TPTE2: variants seen among roughly 807,000 people sequenced by gnomAD.
TPTE2 encodes the protein phosphatidylinositol 3,4,5-trisphosphate 3-phosphatase TPTE2.
Under a neutral mutation model 78.6 loss-of-function variants are expected in TPTE2, and 53 were observed. The observed-to-expected ratio is 0.67, with a 90% confidence interval of 0.54 to 0.85. The LOEUF (loss-of-function observed/expected upper bound fraction) is 0.85. TPTE2 is among the 40% of genes least tolerant of loss of function. The pLI is 0.00. For synonymous variants in TPTE2, 175 were observed against 206.2 expected (o/e 0.85, Z 1.30); for missense variants, 461 against 623.0 (o/e 0.74, Z 2.77).
chr13:19,467,425 G>A (rs1566052976), intron 6 of TPTE2, 81 bp from the exon 10 acceptor site: 2 of 1,084,094 alleles, frequency 1.8e-6, no homozygotes, highest in Non-Finnish European at 2.5e-6. Flanking sequence ...ACAAACTACT[G>A]ACTCATCCCC....
At chr13:19,470,887 T>TTTTATTTA (rs57724907) in intron 6 of TPTE2, among the ~76,000 whole-genome samples, 14,498 of 139,486 alleles carry the variant, frequency 0.1, 890 homozygotes, top group African/African-American at 0.14. Context: ...GATCTTTTTA[T>TTTTATTTA]TTTATTTATT....
intron 10 of TPTE2, among the ~76,000 whole-genome samples, chr13:19,456,119 A>T (rs1045891861): frequency 1.3e-5 from 2 of 152,202 alleles, no homozygotes; most frequent in African/African-American, 4.8e-5. Flanking sequence ...TAAAAATCCC[A>T]GGGAATCTAC....
intron 1 of TPTE2, among the ~76,000 whole-genome samples, chr13:19,533,076 C>A (rs1282058621): frequency 2.0e-5 from 3 of 152,150 alleles, no homozygotes; most frequent in African/African-American, 7.2e-5. Context: ...TGTGAAAACA[C>A]TATATATGCA....
At chr13:19,454,102 G>A (rs1214417865) in intron 10 of TPTE2, among the ~76,000 whole-genome samples, 1 of 152,156 alleles carries the variant, frequency 6.6e-6, no homozygotes, top group African/African-American at 2.4e-5. Flanking sequence ...CGTAGTGCTT[G>A]TTTCTCCACT....
At chr13:19,515,085 T>C (rs939899022) in intron 1 of TPTE2, among the ~76,000 whole-genome samples, 1 of 152,218 alleles carries the variant, frequency 6.6e-6, no homozygotes, top group Non-Finnish European at 1.5e-5. Context: ...TAAAAATCAG[T>C]ATGTGGCAAT....
At chr13:19,437,586 A>T (rs1003235061) in intron 14 of TPTE2, among the ~76,000 whole-genome samples, 7 of 152,130 alleles carry the variant, frequency 4.6e-5, no homozygotes, top group Non-Finnish European at 1.0e-4. Context: ...ATTAAGCTTG[A>T]TACTATTCTC....
At chr13:19,560,901 C>T in the TPTE2 span, 14,594 of 1,578,028 alleles carry the variant, frequency 9.2e-3, 262 homozygotes, top group African/African-American at 0.065. Flanking sequence ...ATCTCACACT[C>T]GTTGGAGGCC....
chr13:19,495,163 T>C (rs1340509730), intron 1 of TPTE2, among the ~76,000 whole-genome samples: 1 of 152,154 alleles, frequency 6.6e-6, no homozygotes, highest in Non-Finnish European at 1.5e-5. Flanking sequence ...TTTTCACCCA[T>C]CCTAGTTGTC....
chr13:19,500,641 G>T (rs886731632), intron 1 of TPTE2, among the ~76,000 whole-genome samples: 2 of 152,066 alleles, frequency 1.3e-5, no homozygotes, highest in African/African-American at 4.8e-5. Flanking sequence ...GGTATTGATG[G>T]GATGTATTTC....
chr13:19,497,798 G>A (rs1325744169), intron 1 of TPTE2, among the ~76,000 whole-genome samples: 1 of 151,476 alleles, frequency 6.6e-6, no homozygotes, highest in Non-Finnish European at 1.5e-5. Flanking sequence ...AAGCTGGATG[G>A]AGAATGACTT....
Position 19,425,901 on chromosome 13 carries a change from C to T in TPTE2, c.1395+524G>A, listed in dbSNP as rs191710210. 609 of 486,974 alleles carry T rather than the reference C, an allele frequency of 1.3e-3. 3 individuals are homozygous for T. The highest frequency in any genetic ancestry group is 0.01 in the African/African-American group (475 of 45,674). 30.2% of individuals were successfully genotyped at this position (486,974 alleles called of 1,614,324 possible). On this transcript the variant is annotated intron_variant, in intron 18 of 19. Coordinates refer to ENST00000400230, the Ensembl canonical transcript of TPTE2. ...ATTGTGCTGCCTTCTCTGTTTCACCCAACTGAGTCACCCAAACCTAACTCT... is the reference window on the plus strand; with the variant it reads ...ATTGTGCTGCCTTCTCTGTTTCACCTAACTGAGTCACCCAAACCTAACTCT...
chr13:19,532,099 G>A (rs1870917117), intron 1 of TPTE2, among the ~76,000 whole-genome samples: 1 of 152,154 alleles, frequency 6.6e-6, no homozygotes, highest in Admixed American at 6.5e-5. Flanking sequence ...TCTACTTGCA[G>A]GCAGATGGCC....
chr13:19,455,850 A>G (rs1245672219), intron 10 of TPTE2, among the ~76,000 whole-genome samples: 1 of 152,226 alleles, frequency 6.6e-6, no homozygotes, highest in Non-Finnish European at 1.5e-5. Context: ...CCAATTCATG[A>G]TTCAAAACTT....
chr13:19,451,810 TGTGTG>T (rs1454588889), intron 10 of TPTE2, among the ~76,000 whole-genome samples: 2 of 54,884 alleles, frequency 3.6e-5, no homozygotes, highest in African/African-American at 9.4e-5. Flanking sequence ...TACCTATAAG[TGTGTG>T]TGTGTGTGTG....
At chr13:19,438,344 C>T (rs1877261277) in intron 13 of TPTE2, 191 bp from the exon 17 acceptor site, 2 of 985,232 alleles carry the variant, frequency 2.0e-6, no homozygotes, top group South Asian at 9.4e-5. Context: ...GAAAAATACG[C>T]AAATTACATT....
chr13:19,435,451 A>G (rs1295995170), intron 15 of TPTE2, among the ~76,000 whole-genome samples: 1 of 152,094 alleles, frequency 6.6e-6, no homozygotes, highest in Non-Finnish European at 1.5e-5. Context: ...GTGTGAGTGG[A>G]GTGGGAAAGA....
chr13:19,461,494 C>T (rs1878885641), intron 10 of TPTE2, among the ~76,000 whole-genome samples: 1 of 152,128 alleles, frequency 6.6e-6, no homozygotes. Flanking sequence ...AGTCACCCTA[C>T]AGCACTACAG....
intron 1 of TPTE2, among the ~76,000 whole-genome samples, chr13:19,518,952 T>C (rs978975725): frequency 6.6e-6 from 1 of 152,102 alleles, no homozygotes; most frequent in African/African-American, 2.4e-5. Context: ...TGGTAATCAA[T>C]AAATTTACTG....
At chr13:19,511,964 T>C (rs1201865392) in intron 1 of TPTE2, among the ~76,000 whole-genome samples, 3 of 152,216 alleles carry the variant, frequency 2.0e-5, no homozygotes, top group African/African-American at 4.8e-5. Flanking sequence ...AACAGGATAC[T>C]GAACATTGAA....
Sources: allele counts gnomAD v4.1 joint callset (sites outside exome capture counted in the v4.1 genomes callset), GRCh38; gene constraint gnomAD v4.1.1; transcripts MANE v1.5; gene names NCBI Gene and HGNC (gene_info 2026-07-23, HGNC 2026-07-21).